The following SHISA9 variants were observed in gnomAD, a reference collection of about 807,000 sequenced individuals.
SHISA9 encodes protein shisa-9.
Under a neutral mutation model 38.0 loss-of-function variants are expected in SHISA9, and 13 were observed. That is an observed-to-expected ratio of 0.34 (90% CI 0.22 to 0.54). The LOEUF is 0.54. Among genes scored for constraint, SHISA9 ranks in the 20% least tolerant of loss-of-function variants. The pLI is 0.91. For synonymous variants in SHISA9, 275 were observed against 242.0 expected, an observed-to-expected ratio of 1.14 and a Z score of -1.27; for missense variants, 538 against 575.8, an observed-to-expected ratio of 0.93 and a Z score of 0.67.
At chr16:13,305,050 A>G in the SHISA9 span, among the ~76,000 whole-genome samples, 2 of 152,196 alleles carry the variant, frequency 1.3e-5, no homozygotes, top group Non-Finnish European at 2.9e-5. Context: ...TCAATTTTGA[A>G]TCGTTTTTTC....
intron 2 of SHISA9, among the ~76,000 whole-genome samples, chr16:13,179,362 G>A (rs1171311453): frequency 2.6e-5 from 4 of 152,134 alleles, no homozygotes; most frequent in Non-Finnish European, 4.4e-5. Context: ...GATGTCTGTT[G>A]AGTGCTGGCT....
chr16:13,357,352 C>A, the SHISA9 span, among the ~76,000 whole-genome samples: 56 of 152,006 alleles, frequency 3.7e-4, no homozygotes, highest in African/African-American at 1.3e-3. Flanking sequence ...TGAAGTGTGG[C>A]GCTAAGATTG....
the SHISA9 span, among the ~76,000 whole-genome samples, chr16:13,465,956 T>C: frequency 6.6e-6 from 1 of 152,268 alleles, no homozygotes; most frequent in Non-Finnish European, 1.5e-5. Context: ...AGAGACTGCA[T>C]GGCCTGAAAG....
At chr16:13,170,899 C>T (rs1317908561) in intron 2 of SHISA9, among the ~76,000 whole-genome samples, 2 of 152,180 alleles carry the variant, frequency 1.3e-5, no homozygotes, top group African/African-American at 4.8e-5. Flanking sequence ...TCAGGTCATC[C>T]ACCCGCCTTG....
At chr16:12,995,667 C>T (rs2072449038) in intron 2 of SHISA9, among the ~76,000 whole-genome samples, 1 of 152,152 alleles carries the variant, frequency 6.6e-6, no homozygotes, top group Non-Finnish European at 1.5e-5. Flanking sequence ...GAGGAATTCT[C>T]AAAGTAATCC....
At chr16:13,022,993 C>T (rs1224739772) in intron 2 of SHISA9, among the ~76,000 whole-genome samples, 1 of 150,480 alleles carries the variant, frequency 6.6e-6, no homozygotes. Context: ...CTGCAAAGAC[C>T]CGTTTTTCTT....
the SHISA9 span, among the ~76,000 whole-genome samples, chr16:13,539,391 G>A: frequency 1.5e-5 from 2 of 133,072 alleles, no homozygotes; most frequent in East Asian, 4.8e-4. Flanking sequence ...GTCCAAGCTG[G>A]TCTTGAACTC....
At chr16:12,969,742 A>G (rs2072030289) in intron 2 of SHISA9, among the ~76,000 whole-genome samples, 1 of 152,148 alleles carries the variant, frequency 6.6e-6, no homozygotes, top group African/African-American at 2.4e-5. Context: ...GCCAGACTCT[A>G]TCCCCACGCC....
At chr16:13,091,709 T>C (rs1002980677) in intron 2 of SHISA9, among the ~76,000 whole-genome samples, 2 of 152,242 alleles carry the variant, frequency 1.3e-5, no homozygotes, top group Non-Finnish European at 2.9e-5. Context: ...TCTAATCTTT[T>C]TTCAAGGTTT....
At chr16:13,514,247 C>A in the SHISA9 span, among the ~76,000 whole-genome samples, 1 of 151,876 alleles carries the variant, frequency 6.6e-6, no homozygotes, top group Non-Finnish European at 1.5e-5. Context: ...CCCGCCTAGA[C>A]CTCCCGAAGT....
chr16:13,469,358 GAAAAGAA>G, the SHISA9 span, among the ~76,000 whole-genome samples: 1,967 of 66,972 alleles, frequency 0.029, 40 homozygotes, highest in East Asian at 0.077. Context: ...AAGAAAGAAA[GAAAAGAA>G]AAAGAAAGAA....
intron 2 of SHISA9, among the ~76,000 whole-genome samples, chr16:12,945,242 C>T (rs1435193327): frequency 1.3e-5 from 2 of 152,124 alleles, no homozygotes; most frequent in Non-Finnish European, 2.9e-5. Flanking sequence ...AGGGAACTGA[C>T]AGTGTCTGAT....
chr16:13,280,235 T>C, the SHISA9 span, among the ~76,000 whole-genome samples: 1 of 151,024 alleles, frequency 6.6e-6, no homozygotes, highest in East Asian at 1.9e-4. Flanking sequence ...CCTTGATTTC[T>C]ATTCCATTAA....
At chr16:13,423,572 T>G in the SHISA9 span, among the ~76,000 whole-genome samples, 2 of 152,168 alleles carry the variant, frequency 1.3e-5, no homozygotes, top group Admixed American at 6.6e-5. Context: ...TCATTTCCCC[T>G]GTATTATTTT....
chr16:13,507,769 C>T, the SHISA9 span, among the ~76,000 whole-genome samples: 1 of 152,144 alleles, frequency 6.6e-6, no homozygotes, highest in Admixed American at 6.5e-5. Context: ...AACCTCTACC[C>T]AGAGGCCAGA....
chr16:13,261,222 T>C, the SHISA9 span, among the ~76,000 whole-genome samples: 2 of 152,080 alleles, frequency 1.3e-5, no homozygotes, highest in African/African-American at 4.8e-5. Flanking sequence ...AAATATGACA[T>C]ACTCTGTGAT....
the SHISA9 span, among the ~76,000 whole-genome samples, chr16:13,324,892 A>G: frequency 1.3e-5 from 2 of 152,306 alleles, no homozygotes; most frequent in African/African-American, 4.8e-5. Context: ...GGATATCTCA[A>G]AGCGGGGGCT....
intron 2 of SHISA9, among the ~76,000 whole-genome samples, chr16:13,057,184 C>G (rs997075909): frequency 5.9e-5 from 9 of 152,156 alleles, no homozygotes; most frequent in African/African-American, 2.2e-4. Context: ...GGCCAGTCCT[C>G]CAGCTGTGGC....
intron 4 of SHISA9, among the ~76,000 whole-genome samples, chr16:13,232,245 T>C (rs2051338322): frequency 6.6e-6 from 1 of 152,186 alleles, no homozygotes; most frequent in South Asian, 2.1e-4. Context: ...TTATTGCTAA[T>C]GAATTAATTT....
Sources: gnomAD v4.1 joint callset for allele counts (sites outside exome capture counted in the v4.1 genomes callset) on GRCh38, gnomAD v4.1.1 for gene constraint, MANE v1.5 for transcripts, NCBI Gene and HGNC (gene_info 2026-07-23, HGNC 2026-07-21) for gene names.